Variants in ANKS1B observed in about 807,000 individuals in gnomAD.
ANKS1B encodes ankyrin repeat and sterile alpha motif domain containing 1B.
In ANKS1B, 36 loss-of-function variants were observed where a neutral mutation model predicts 148.3. That is an observed-to-expected ratio of 0.24 (90% CI 0.19 to 0.32). ANKS1B has a LOEUF of 0.32. Among genes scored for constraint, ANKS1B ranks in the 10% least tolerant of loss-of-function variants. The probability of loss-of-function intolerance (pLI) is 1.00; values close to 1 mark genes in which losing one functional copy is unlikely to be tolerated. For synonymous variants in ANKS1B, 542 were observed against 560.8 expected, an observed-to-expected ratio of 0.97 and a Z score of 0.47; for missense variants, 1,157 against 1,542.6, an observed-to-expected ratio of 0.75 and a Z score of 4.19.
intron 8 of ANKS1B, among the ~76,000 whole-genome samples, chr12:99,688,656 AC>A (rs896566505): frequency 2.0e-5 from 3 of 152,020 alleles, no homozygotes; most frequent in African/African-American, 7.2e-5. Flanking sequence ...GGGCAACATA[AC>A]AAGACTTGGT....
intron 8 of ANKS1B, among the ~76,000 whole-genome samples, chr12:99,668,783 T>C (rs754617014): frequency 3.3e-5 from 5 of 152,110 alleles, no homozygotes; most frequent in Non-Finnish European, 7.4e-5. Context: ...ATTACACATA[T>C]GTTTCATTGC....
At chr12:99,458,578 T>C (rs1034436274) in intron 10 of ANKS1B, among the ~76,000 whole-genome samples, 2 of 151,770 alleles carry the variant, frequency 1.3e-5, no homozygotes, top group African/African-American at 2.4e-5. Flanking sequence ...AAACAGGAGA[T>C]ATTACAACCA....
At chr12:98,916,032 C>T (rs1490805395) in intron 17 of ANKS1B, among the ~76,000 whole-genome samples, 1 of 152,190 alleles carries the variant, frequency 6.6e-6, no homozygotes. Flanking sequence ...ACGCTCCCAC[C>T]ACCATCACAT....
At chr12:99,545,915 T>C (rs923606566) in intron 9 of ANKS1B, among the ~76,000 whole-genome samples, 1 of 151,978 alleles carries the variant, frequency 6.6e-6, no homozygotes, top group Non-Finnish European at 1.5e-5. Flanking sequence ...TTTAATCTCA[T>C]AGTGTCACAT....
At chr12:98,811,215 T>A (rs1025127931) in intron 19 of ANKS1B, among the ~76,000 whole-genome samples, 11 of 152,200 alleles carry the variant, frequency 7.2e-5, no homozygotes, top group African/African-American at 2.7e-4. Context: ...CTGCACAGTT[T>A]CTGCTGGCAG....
intron 9 of ANKS1B, among the ~76,000 whole-genome samples, chr12:99,583,971 C>T (rs1464436299): frequency 1.3e-5 from 2 of 152,150 alleles, no homozygotes; most frequent in Admixed American, 1.3e-4. Flanking sequence ...CCTCTTGAGG[C>T]CCATTTTTCT....
At chr12:99,741,202 G>A (rs944536649) in intron 8 of ANKS1B, among the ~76,000 whole-genome samples, 8 of 71,038 alleles carry the variant, frequency 1.1e-4, no homozygotes, top group African/African-American at 3.4e-4. Context: ...GCTAGGCTCC[G>A]TCAAACACAC....
chr12:99,228,287 G>A (rs1005726582), intron 14 of ANKS1B, among the ~76,000 whole-genome samples: 1 of 152,018 alleles, frequency 6.6e-6, no homozygotes, highest in African/African-American at 2.4e-5. Flanking sequence ...TGTTTCATAA[G>A]TTATTTACTT....
chr12:99,405,583 G>A (rs2094512366), intron 11 of ANKS1B, among the ~76,000 whole-genome samples: 1 of 144,936 alleles, frequency 6.9e-6, no homozygotes, highest in Non-Finnish European at 1.5e-5. Context: ...CATACCAGCA[G>A]AGAAAATCTT....
chr12:99,713,889 C>T (rs184288353), intron 8 of ANKS1B, among the ~76,000 whole-genome samples: 12 of 152,244 alleles, frequency 7.9e-5, no homozygotes, highest in African/African-American at 2.2e-4. Context: ...TATTTGTTAG[C>T]GCATAACCTC....
At chr12:99,424,837 C>T (rs1297536620) in intron 11 of ANKS1B, among the ~76,000 whole-genome samples, 3 of 151,956 alleles carry the variant, frequency 2.0e-5, no homozygotes, top group South Asian at 2.1e-4. Flanking sequence ...GAAAACCTAA[C>T]TTAGGAGTAT....
intron 8 of ANKS1B, among the ~76,000 whole-genome samples, chr12:99,761,952 C>T (rs1223765495): frequency 1.3e-5 from 2 of 151,830 alleles, no homozygotes; most frequent in African/African-American, 4.8e-5. Context: ...ACAATAAACA[C>T]ACAAAAAACG....
At chr12:99,214,380 C>T (rs540218036) in intron 14 of ANKS1B, among the ~76,000 whole-genome samples, 2 of 152,208 alleles carry the variant, frequency 1.3e-5, no homozygotes, top group South Asian at 4.1e-4. Context: ...TCCCATAATC[C>T]CCATGTGTCA....
At chr12:99,100,580 A>T (rs10777956) in intron 15 of ANKS1B, among the ~76,000 whole-genome samples, 1 of 151,998 alleles carries the variant, frequency 6.6e-6, no homozygotes, top group Admixed American at 6.5e-5. Context: ...CCCAGGCTGG[A>T]GTGCAGTGGC....
At chr12:99,046,503 G>A (rs2153510740) in intron 17 of ANKS1B, among the ~76,000 whole-genome samples, 1 of 152,244 alleles carries the variant, frequency 6.6e-6, no homozygotes. Context: ...GAAAATATAA[G>A]AAAGACCCAA....
chr12:98,744,149 G>T lies in ANKS1B; in HGVS notation c.*1590C>A. 1 of 985,624 alleles carries T rather than the reference G, an allele frequency of 1.0e-6. No individual in the cohort carries two copies. Among genetic ancestry groups the T allele is most frequent in the Non-Finnish European group, 1.2e-6 (1 of 829,774 alleles). The allele number at this position is 985,624 out of a possible 1,614,324, so 61.1% of individuals were successfully genotyped here. A position where few individuals can be genotyped will look rare whatever the true frequency, so the allele number is the denominator to read the frequency against. On this transcript the variant is annotated 3_prime_UTR_variant, in exon 27 of 27. Transcript: ENST00000683438. Reference sequence around the variant, plus strand: ...TTGCCTCCTGGTACCATATTTTAGTGTTATTTAACTCTCATTTTGCTACAT... The same window carrying T: ...TTGCCTCCTGGTACCATATTTTAGTTTTATTTAACTCTCATTTTGCTACAT...
intron 8 of ANKS1B, among the ~76,000 whole-genome samples, chr12:99,686,891 C>A (rs2098652575): frequency 6.6e-6 from 1 of 152,074 alleles, no homozygotes; most frequent in Non-Finnish European, 1.5e-5. Flanking sequence ...AACAATGAGA[C>A]AAATTTCTCT....
intron 12 of ANKS1B, among the ~76,000 whole-genome samples, chr12:99,313,415 T>G (rs970648065): frequency 6.6e-6 from 1 of 152,178 alleles, no homozygotes; most frequent in Non-Finnish European, 1.5e-5. Context: ...TAACTCATTT[T>G]ACGAAGCCAG....
chr12:99,594,198 C>T (rs2097733258), intron 9 of ANKS1B, among the ~76,000 whole-genome samples: 1 of 152,030 alleles, frequency 6.6e-6, no homozygotes, highest in Admixed American at 6.6e-5. Flanking sequence ...GTTATTACTA[C>T]AGATAAAACT....
Sources: gnomAD v4.1 joint callset for allele counts (sites outside exome capture counted in the v4.1 genomes callset) on GRCh38, gnomAD v4.1.1 for gene constraint, MANE v1.5 for transcripts, NCBI Gene and HGNC (gene_info 2026-07-23, HGNC 2026-07-21) for gene names.